DYNC2H1: variants seen among roughly 807,000 people sequenced by gnomAD.
The protein encoded by DYNC2H1 is dynein cytoplasmic 2 heavy chain 1.
Under a neutral mutation model 570.0 loss-of-function variants are expected in DYNC2H1, and 410 were observed. That is an observed-to-expected ratio of 0.72 (90% CI 0.66 to 0.78). DYNC2H1 has a LOEUF of 0.78. Ranked by LOEUF, DYNC2H1 falls within the 30% of genes least tolerant of loss-of-function variation. The pLI, the probability that DYNC2H1 is intolerant of heterozygous loss-of-function variation, is 0.00. For missense variants in DYNC2H1, 4,865 were observed against 5,046.4 expected (o/e 0.96, Z 1.09); for synonymous variants, 1,688 against 1,677.6 (o/e 1.01, Z -0.15).
chr11:103,358,853 T>A (rs1940493604), intron 83 of DYNC2H1, among the ~76,000 whole-genome samples: 2 of 152,214 alleles, frequency 1.3e-5, no homozygotes, highest in Admixed American at 1.3e-4. Flanking sequence ...GAATAATGTG[T>A]GATTGTTTTC....
At position 103,254,438 on chromosome 11, in the gene DYNC2H1, T is replaced by C. The variant is rs1185291774; in HGVS notation, c.10207-977T>C. On this transcript the variant is annotated intron_variant, in intron 66 of 88. Transcript: ENST00000375735. The surrounding 1 kb of genome is among the most constrained non-coding windows in gnomAD (Gnocchi z 4.9). Reference sequence around the variant, plus strand: ...AGTATTCAGAGTTAACAATTTGACATAGCATTTTTCAACAGCTTCACAGAT... The same window carrying C: ...AGTATTCAGAGTTAACAATTTGACACAGCATTTTTCAACAGCTTCACAGAT... Among the ~76,000 whole-genome samples the C allele has an allele frequency of 6.6e-6, 1 of 152,192 alleles. No individual in the cohort carries two copies. Among genetic ancestry groups the C allele is most frequent in the Admixed American group, 6.5e-5 (1 of 15,270 alleles).
chr11:103,262,015 T>C (rs1428220550), intron 70 of DYNC2H1, among the ~76,000 whole-genome samples: 1 of 151,128 alleles, frequency 6.6e-6, no homozygotes, highest in African/African-American at 2.4e-5. Context: ...AATGACCTGA[T>C]GGAGCTGAAA....
At chr11:103,337,808 A>G (rs574603659) in intron 82 of DYNC2H1, among the ~76,000 whole-genome samples, 1 of 152,264 alleles carries the variant, frequency 6.6e-6, no homozygotes, top group Non-Finnish European at 1.5e-5. Context: ...AATAGTGTGC[A>G]TATATTTTCT....
chr11:103,211,753 T>C (rs536632978), intron 53 of DYNC2H1, 36 bp from the exon 54 acceptor site: 4 of 878,578 alleles, frequency 4.6e-6, no homozygotes, highest in Admixed American at 6.6e-5. Context: ...GAATCATACA[T>C]ATAATAAGTT....
chr11:103,121,828 G>GTAGTCCCAGC (rs1232892299), intron 10 of DYNC2H1, among the ~76,000 whole-genome samples: 1 of 152,136 alleles, frequency 6.6e-6, no homozygotes, highest in African/African-American at 2.4e-5. Flanking sequence ...CTGCACATCT[G>GTAGTCCCAGC]TAGTCCCAGC....
At chr11:103,216,194 C>T (rs1341957423) in intron 55 of DYNC2H1, among the ~76,000 whole-genome samples, 1 of 152,104 alleles carries the variant, frequency 6.6e-6, no homozygotes, top group African/African-American at 2.4e-5. Flanking sequence ...GAATTCTCTC[C>T]TTCAGGCTTT....
chr11:103,372,100 G>A (rs1333638064), intron 83 of DYNC2H1, among the ~76,000 whole-genome samples: 8 of 140,200 alleles, frequency 5.7e-5, no homozygotes, highest in Non-Finnish European at 1.2e-4. Flanking sequence ...GAGTGCAGTG[G>A]CACGATCTTG....
chr11:103,320,027 G>A (rs1237317136), intron 80 of DYNC2H1, among the ~76,000 whole-genome samples: 3 of 152,144 alleles, frequency 2.0e-5, no homozygotes, highest in African/African-American at 7.2e-5. Context: ...AAATTTTATA[G>A]TAATGAAATG....
chr11:103,284,904 GGAAAAGAGAACACT>G (rs955213410), intron 73 of DYNC2H1, among the ~76,000 whole-genome samples: 1 of 152,050 alleles, frequency 6.6e-6, no homozygotes, highest in Non-Finnish European at 1.5e-5. Flanking sequence ...GAAAAATTTG[GGAAAAGAGAACACT>G]GTTTGAGGTA....
chr11:103,196,403 TATCTC>T (rs1279017132), intron 47 of DYNC2H1, among the ~76,000 whole-genome samples: 1 of 152,184 alleles, frequency 6.6e-6, no homozygotes, highest in Non-Finnish European at 1.5e-5. Context: ...ACTCAATACT[TATCTC>T]AGGCAGAAAG....
At chr11:103,441,741 T>C (rs957807236) in intron 85 of DYNC2H1, among the ~76,000 whole-genome samples, 2 of 152,204 alleles carry the variant, frequency 1.3e-5, no homozygotes, top group East Asian at 3.8e-4. Context: ...AATCTACCCA[T>C]AAATATTATG....
intron 13 of DYNC2H1, among the ~76,000 whole-genome samples, chr11:103,131,423 C>A (rs935872789): frequency 8.6e-5 from 13 of 152,020 alleles, no homozygotes; most frequent in African/African-American, 3.1e-4. Context: ...GAGTAGCTGG[C>A]ACTACAGGTG....
Position 103,153,376 on chromosome 11 carries a change from G to A in DYNC2H1, c.3170G>A (p.Arg1057His), listed in dbSNP as rs191381310. The change falls in exon 22 of 89, where the codon CGT (arginine) becomes CAT (histidine). Residue 1057 changes from arginine to histidine, a missense_variant. Coordinates refer to ENST00000375735, the MANE Select transcript of DYNC2H1 (RefSeq NM_001377.3). Reference protein sequence around the residue: ...YYQELEKFKARWDQLKPGDDV... With the variant: ...YYQELEKFKAHWDQLKPGDDV... ...CAAGAACTGGAAAAATTTAAAGCTC[G>A]TTGGGACCAACTAAAGCCTGGTGAT... 8.8e-4 allele frequency: 1,371 copies of A among 1,550,724 alleles called. 1 individual carries two copies. Among genetic ancestry groups the A allele is most frequent in the Admixed American group, 1.4e-3 (70 of 50,832 alleles).
At chr11:103,260,034 A>ATATTTATAAATATAACT (rs58492880) in intron 70 of DYNC2H1, 57 bp downstream of exon 70, 2 of 932,676 alleles carry the variant, frequency 2.1e-6, no homozygotes, top group Non-Finnish European at 3.1e-6. Context: ...GATTTAACGT[A>ATATTTATAAATATAACT]ATATTTATAG....
At chr11:103,112,062 GAT>G (rs1478575810) in intron 1 of DYNC2H1, among the ~76,000 whole-genome samples, 1 of 152,192 alleles carries the variant, frequency 6.6e-6, no homozygotes, top group Non-Finnish European at 1.5e-5. Context: ...GGGAACTAAA[GAT>G]ATATAGGGTG....
At chr11:103,195,852 A>G (rs1251321704) in intron 47 of DYNC2H1, among the ~76,000 whole-genome samples, 2 of 152,204 alleles carry the variant, frequency 1.3e-5, no homozygotes, top group South Asian at 2.1e-4. Flanking sequence ...AGTATTATAC[A>G]TGTTATGTTA....
chr11:103,231,833 C>T (rs1864021992), intron 60 of DYNC2H1, among the ~76,000 whole-genome samples: 1 of 151,882 alleles, frequency 6.6e-6, no homozygotes, highest in Non-Finnish European at 1.5e-5. Flanking sequence ...AATTTTTTCT[C>T]TACGTTCAGG....
chr11:103,158,756 A>G lies in DYNC2H1; in HGVS notation c.4207A>G (p.Thr1403Ala), dbSNP rs1466708735. Residue 1403 changes from threonine (T) to alanine (A), a missense_variant, in exon 27 of 89, where the codon ACA (threonine) becomes GCA (alanine). Thr to Ala is a moderately conservative substitution (Grantham distance 58, BLOSUM62 0). Coordinates refer to ENST00000375735, the MANE Select transcript of DYNC2H1 (RefSeq NM_001377.3). ...TGCTGGAATAAGAAATTCTCTACTAACAATACTTGATCAGCTTCAAAGATG... is the reference window on the plus strand; with the variant it reads ...TGCTGGAATAAGAAATTCTCTACTAGCAATACTTGATCAGCTTCAAAGATG... ...THAGIRNSLLTILDQLQRCQK... is the reference protein window; with the variant it reads ...THAGIRNSLLAILDQLQRCQK... The G allele has an allele frequency of 6.6e-7, 1 of 1,512,752 alleles. No individual in the cohort carries two copies. Among genetic ancestry groups the G allele is most frequent in the Non-Finnish European group, 8.9e-7 (1 of 1,117,858 alleles). 93.7% of individuals were successfully genotyped at this position (1,512,752 alleles called of 1,614,324 possible).
At chr11:103,323,600 T>C (rs532333372) in intron 81 of DYNC2H1, among the ~76,000 whole-genome samples, 11 of 152,200 alleles carry the variant, frequency 7.2e-5, no homozygotes, top group Admixed American at 5.9e-4. Context: ...GTAGCTTACA[T>C]ATAGTAGGCA....
Sources: allele counts gnomAD v4.1 joint callset (sites outside exome capture counted in the v4.1 genomes callset), GRCh38; gene constraint gnomAD v4.1.1; non-coding constraint Gnocchi (gnomAD v3.1); transcripts MANE v1.5; gene names NCBI Gene and HGNC (gene_info 2026-07-23, HGNC 2026-07-21).